ESRRB: variants seen among roughly 807,000 people sequenced by gnomAD.
ESRRB encodes estrogen related receptor beta.
A neutral mutation model predicts 46.0 loss-of-function variants in ESRRB; 16 were observed. The observed-to-expected ratio is 0.35, with a 90% CI of 0.24 to 0.53. ESRRB has a LOEUF of 0.53. Ranked by LOEUF, ESRRB falls within the 20% of genes least tolerant of loss-of-function variation. The probability of loss-of-function intolerance (pLI) is 0.93; values close to 1 mark genes in which losing one functional copy is unlikely to be tolerated. For missense variants in ESRRB, 488 were observed against 607.4 expected (o/e 0.80, Z 2.07); for synonymous variants, 246 against 259.6 (o/e 0.95, Z 0.50).
chr14:76,311,259 G>T (rs1226276033), intron 1 of ESRRB, among the ~76,000 whole-genome samples: 1 of 152,206 alleles, frequency 6.6e-6, no homozygotes, highest in Non-Finnish European at 1.5e-5. Flanking sequence ...GCAAGGGAAA[G>T]TTTACATGCA....
chr14:76,364,376 G>C (rs568295179), intron 1 of ESRRB, among the ~76,000 whole-genome samples: 3 of 152,082 alleles, frequency 2.0e-5, no homozygotes, highest in Non-Finnish European at 4.4e-5. Flanking sequence ...TGATCTGTTT[G>C]GGGATGCATT....
chr14:76,409,868 G>A (rs966825153), intron 1 of ESRRB, among the ~76,000 whole-genome samples: 1 of 152,174 alleles, frequency 6.6e-6, no homozygotes, highest in Non-Finnish European at 1.5e-5. Context: ...AACCGTACAT[G>A]CGATTGCCAA....
chr14:76,490,939 C>G (rs1244091738), intron 5 of ESRRB, among the ~76,000 whole-genome samples: 1 of 152,158 alleles, frequency 6.6e-6, no homozygotes, highest in African/African-American at 2.4e-5. Flanking sequence ...CGTCCTCGTT[C>G]TTGGTCAGGC....
chr14:76,429,141 C>T (rs1248834869), intron 1 of ESRRB, among the ~76,000 whole-genome samples: 1 of 152,094 alleles, frequency 6.6e-6, no homozygotes, highest in Non-Finnish European at 1.5e-5. Flanking sequence ...GGGCTGCTTT[C>T]TAAGTCAACT....
At chr14:76,402,734 A>G (rs1217792270) in intron 1 of ESRRB, among the ~76,000 whole-genome samples, 1 of 152,022 alleles carries the variant, frequency 6.6e-6, no homozygotes, top group Non-Finnish European at 1.5e-5. Context: ...GGGTCTCGCT[A>G]TGTTGCCCAG....
chr14:76,477,189 T>A (rs1337513490), intron 3 of ESRRB, among the ~76,000 whole-genome samples: 1 of 152,172 alleles, frequency 6.6e-6, no homozygotes, highest in Non-Finnish European at 1.5e-5. Flanking sequence ...CACAGGACCC[T>A]CCCACTCTAA....
Position 76,376,293 on chromosome 14 carries a change from C to T in ESRRB, c.-109C>T. 2.3e-6 allele frequency: 2 copies of T among 859,550 alleles called. No individual in the cohort carries two copies. The highest frequency in any genetic ancestry group is 3.3e-5 in the East Asian group (1 of 29,970). The allele number at this position is 859,550 out of a possible 1,614,324, so 53.2% of individuals were successfully genotyped here. The stretch of plus-strand genomic sequence containing the variant: ...CCTCCTCCCACTCTGCGTTCTCGCG[C>T]TCACTGTGCCCTGCCCGGGCTCGCA... On this transcript the variant is annotated 5_prime_UTR_variant, in exon 1 of 7. Transcript: ENST00000644823. The surrounding 1 kb of genome is among the most constrained non-coding windows in gnomAD (Gnocchi z 4.1).
At chr14:76,472,957 G>A (rs959285420) in intron 3 of ESRRB, among the ~76,000 whole-genome samples, 26 of 152,166 alleles carry the variant, frequency 1.7e-4, no homozygotes, top group African/African-American at 4.8e-4. Context: ...CTCATTCCTC[G>A]ACATCTCCCT....
chr14:76,400,108 G>A (rs150751075), intron 1 of ESRRB, among the ~76,000 whole-genome samples: 25 of 152,300 alleles, frequency 1.6e-4, no homozygotes, highest in Non-Finnish European at 4.4e-5. Context: ...GTCTAGCTGG[G>A]GGCAGAAGGG....
intron 1 of ESRRB, among the ~76,000 whole-genome samples, chr14:76,402,651 C>T (rs1885992230): frequency 6.6e-6 from 1 of 152,160 alleles, no homozygotes; most frequent in East Asian, 1.9e-4. Flanking sequence ...CAAGCTGCAT[C>T]CCAAAGTGAA....
At chr14:76,472,755 C>T (rs1052418717) in intron 3 of ESRRB, among the ~76,000 whole-genome samples, 1 of 152,248 alleles carries the variant, frequency 6.6e-6, no homozygotes, top group Non-Finnish European at 1.5e-5. Context: ...CCCACATCAC[C>T]TTCTGGGTGG....
At chr14:76,377,266 C>T (rs1884812132) in intron 1 of ESRRB, among the ~76,000 whole-genome samples, 1 of 152,226 alleles carries the variant, frequency 6.6e-6, no homozygotes, top group Non-Finnish European at 1.5e-5. Context: ...GCGCCAAGAG[C>T]GCAGAGTGGG....
At chr14:76,326,092 C>T (rs1270687561) in intron 1 of ESRRB, among the ~76,000 whole-genome samples, 2 of 152,226 alleles carry the variant, frequency 1.3e-5, no homozygotes, top group Admixed American at 6.5e-5. Flanking sequence ...CATATCTGTG[C>T]TCAGGGACCC....
chr14:76,413,458 C>T (rs1886527121), intron 1 of ESRRB, among the ~76,000 whole-genome samples: 1 of 152,156 alleles, frequency 6.6e-6, no homozygotes, highest in East Asian at 1.9e-4. Context: ...ATTCCCCACC[C>T]TCTTCCCTTC....
chr14:76,368,236 G>A (rs1884550288), upstream of ESRRB, among the ~76,000 whole-genome samples: 1 of 149,858 alleles, frequency 6.7e-6, no homozygotes, highest in African/African-American at 2.5e-5. Flanking sequence ...GCCTCCCAAA[G>A]TGCTGGGATT....
At chr14:76,426,288 G>A (rs1887199721) in intron 1 of ESRRB, among the ~76,000 whole-genome samples, 1 of 152,178 alleles carries the variant, frequency 6.6e-6, no homozygotes. Flanking sequence ...GCAGGAGTCT[G>A]TGGGAGATTT....
chr14:76,332,600 TTATATATTTATATA>T (rs1884031517), intron 1 of ESRRB, among the ~76,000 whole-genome samples: 1 of 38,454 alleles, frequency 2.6e-5, no homozygotes, highest in African/African-American at 1.3e-4. Context: ...ATATTATATA[TTATATATTTATATA>T]TTATATAAAT....
chr14:76,319,445 C>A (rs577704264), intron 1 of ESRRB, among the ~76,000 whole-genome samples: 44 of 152,240 alleles, frequency 2.9e-4, no homozygotes, highest in African/African-American at 1.1e-3. Context: ...TTTGTGCACA[C>A]GTGTGCACAT....
chr14:76,335,073 C>T (rs928615372), intron 1 of ESRRB, among the ~76,000 whole-genome samples: 5 of 152,156 alleles, frequency 3.3e-5, no homozygotes, highest in Admixed American at 6.5e-5. Flanking sequence ...TGATGAAGGG[C>T]GCCGTAGTTC....
Sources: gnomAD v4.1 joint callset for allele counts (sites outside exome capture counted in the v4.1 genomes callset) on GRCh38, gnomAD v4.1.1 for gene constraint, Gnocchi (gnomAD v3.1) non-coding constraint, MANE v1.5 for transcripts, NCBI Gene and HGNC (gene_info 2026-07-23, HGNC 2026-07-21) for gene names.